Variants in CD6 observed in about 807,000 individuals in gnomAD.
CD6 encodes T-cell differentiation antigen CD6.
In CD6, 53 loss-of-function variants were observed where a neutral mutation model predicts 75.3. The observed-to-expected ratio is 0.70, with a 90% CI of 0.56 to 0.88. The LOEUF is 0.88. Among genes scored for constraint, CD6 ranks in the 40% least tolerant of loss-of-function variants. CD6 has a pLI of 0.00. For synonymous variants in CD6, 359 were observed against 381.5 expected, an observed-to-expected ratio of 0.94 and a Z score of 0.69; for missense variants, 770 against 897.1, an observed-to-expected ratio of 0.86 and a Z score of 1.81.
At chr11:60,980,779 A>T (rs1857531109) in intron 1 of CD6, among the ~76,000 whole-genome samples, 1 of 152,034 alleles carries the variant, frequency 6.6e-6, no homozygotes, top group Admixed American at 6.5e-5. Context: ...GGCGGAAGTT[A>T]CAGTGACCCA....
chr11:61,000,410 C>A (rs1858528078), intron 1 of CD6, among the ~76,000 whole-genome samples: 1 of 152,288 alleles, frequency 6.6e-6, no homozygotes, highest in Admixed American at 6.5e-5. Flanking sequence ...CCCTTTCCAC[C>A]CTGCCTCTGG....
chr11:60,988,267 C>T (rs1472746809), intron 1 of CD6, among the ~76,000 whole-genome samples: 5 of 152,326 alleles, frequency 3.3e-5, no homozygotes, highest in Non-Finnish European at 7.4e-5. Context: ...ACACAGTGGG[C>T]ATTCAGATGT....
chr11:61,015,561 ACCCTGT>A, intron 8 of CD6, 146 bp from the exon 9 acceptor site: 2 of 858,242 alleles, frequency 2.3e-6, no homozygotes, highest in Non-Finnish European at 3.7e-6. Flanking sequence ...ACAGAGTGAG[ACCCTGT>A]CCCAGAAAAG....
At chr11:60,974,007 A>G (rs1857280793) in intron 1 of CD6, among the ~76,000 whole-genome samples, 1 of 152,174 alleles carries the variant, frequency 6.6e-6, no homozygotes, top group Admixed American at 6.5e-5. Context: ...ATGCTAGCAG[A>G]ACCTGACCTC....
rs562164453 is a variant in CD6 at position 61,008,928 on chromosome 11, G to A, written c.781+83G>A. The A allele has an allele frequency of 9.1e-6, 11 of 1,211,096 alleles. No individual in the cohort carries two copies. The East Asian group carries it at 1.0e-4, about 11-fold the overall frequency. The allele number at this position is 1,211,096 out of a possible 1,614,324, so 75.0% of individuals were successfully genotyped here. A position where few individuals can be genotyped will look rare whatever the true frequency, so the allele number is the denominator to read the frequency against. ...GGGCGCCAAGCCTGGAGTTAGTGCC[G>A]GAGAGGTGGTCCCTGCCCTTGAGAT... is the stretch of plus-strand genomic sequence containing the variant. On this transcript the variant is annotated intron_variant, in intron 4 of 12. Coordinates refer to ENST00000313421, the MANE Select transcript of CD6 (RefSeq NM_006725.5).
intron 9 of CD6, among the ~76,000 whole-genome samples, chr11:61,016,133 C>A (rs1388182575): frequency 1.3e-5 from 2 of 152,224 alleles, no homozygotes; most frequent in African/African-American, 4.8e-5. Context: ...CTGAAGATGG[C>A]TCTCTGTGTG....
rs1350034344 is a variant in CD6 at position 60,971,932 on chromosome 11, A to T, written c.49+18A>T. 6.2e-7 allele frequency: 1 copy of T among 1,612,884 alleles called. No homozygotes were observed. Among genetic ancestry groups the T allele is most frequent in the Admixed American group, 1.7e-5 (1 of 60,000 alleles). On this transcript the variant is annotated intron_variant, in intron 1 of 12. Coordinates refer to ENST00000313421, the MANE Select transcript of CD6 (RefSeq NM_006725.5). ...CCTCTCAGGTAGGCCCCCTTCCCTC[A>T]TCTCCTGCCACTGGTGCTGGAGGAG... is the stretch of plus-strand genomic sequence containing the variant.
At chr11:61,008,502 C>T (rs1455600644) in intron 3 of CD6, 32 bp from the exon 4 acceptor site, 2 of 1,529,246 alleles carry the variant, frequency 1.3e-6, no homozygotes, top group Admixed American at 2.0e-5. Context: ...TGGTCGGGTG[C>T]CCCAGCATCC....
chr11:60,996,333 G>T (rs1428469542), intron 1 of CD6, among the ~76,000 whole-genome samples: 1 of 152,134 alleles, frequency 6.6e-6, no homozygotes, highest in African/African-American at 2.4e-5. Context: ...CTGCACTCTG[G>T]ACCCCAGATG....
intron 3 of CD6, 83 bp from the exon 4 acceptor site, chr11:61,008,451 A>G (rs1291241707): frequency 1.5e-6 from 2 of 1,330,370 alleles, no homozygotes; most frequent in African/African-American, 1.5e-5. Context: ...CACGCTCACA[A>G]CTCTCCGGCC....
At chr11:60,989,954 T>C (rs1328112247) in intron 1 of CD6, among the ~76,000 whole-genome samples, 1 of 152,234 alleles carries the variant, frequency 6.6e-6, no homozygotes. Flanking sequence ...GGTGCATTGA[T>C]ATGACTCGGA....
At chr11:60,998,748 C>T in intron 1 of CD6, among the ~76,000 whole-genome samples, 1 of 151,906 alleles carries the variant, frequency 6.6e-6, no homozygotes, top group South Asian at 2.1e-4. Flanking sequence ...TTCAAGCTAG[C>T]CCACATGTCC....
rs546825413 is a variant in CD6 at position 60,990,013 on chromosome 11, T to C, written c.50-16561T>C. 1.0e-3 allele frequency among the ~76,000 whole-genome samples: 155 copies of C among 152,280 alleles called. 1 individual carries two copies. Among genetic ancestry groups the C allele is most frequent in the Non-Finnish European group, 7.8e-4 (53 of 68,010 alleles). On this transcript the variant is annotated intron_variant, in intron 1 of 12. Coordinates refer to ENST00000313421, the MANE Select transcript of CD6 (RefSeq NM_006725.5). ...ATGCTTTTATTTTAAAATTTTTTTG[T>C]TTTTATTTTGTTTTATTTTATTTTA...
At chr11:61,018,213 C>G in intron 11 of CD6, 76 bp from the exon 12 acceptor site, 1 of 1,365,886 alleles carries the variant, frequency 7.3e-7, no homozygotes, top group Non-Finnish European at 1.0e-6. Flanking sequence ...TCGTGAGTCA[C>G]GTGGGCCCCC....
intron 1 of CD6, among the ~76,000 whole-genome samples, chr11:60,975,909 A>G (rs1319854913): frequency 6.6e-6 from 1 of 152,260 alleles, no homozygotes; most frequent in Non-Finnish European, 1.5e-5. Context: ...AAGCACATTT[A>G]TAAATATGAT....
Position 61,017,983 on chromosome 11 carries a change from G to A in CD6, c.1807G>A (p.Glu603Lys), listed in dbSNP as rs776414916. 3.7e-6 allele frequency: 6 copies of A among 1,612,146 alleles called. No homozygotes were observed. Among genetic ancestry groups the A allele is most frequent in the Admixed American group, 1.7e-5 (1 of 60,000 alleles). Reference sequence around the variant, plus strand: ...CTTCCTGGAGCAGCCCCCAAACTTGGAGCTGGCCGGCACCCAGCCAGCCTT... The same window carrying A: ...CTTCCTGGAGCAGCCCCCAAACTTGAAGCTGGCCGGCACCCAGCCAGCCTT... ...SSFLEQPPNL[E>K]LAGTQPAFSA... is the part of the protein sequence containing the mutation. The change falls in exon 11 of 13, where the codon GAG becomes AAG. Residue 603 changes from glutamate to lysine, a missense_variant. Physicochemically the swap from Glu to Lys is moderately conservative, Grantham distance 56. Transcript: ENST00000313421.
At chr11:60,989,559 C>A (rs1256295269) in intron 1 of CD6, among the ~76,000 whole-genome samples, 1 of 152,236 alleles carries the variant, frequency 6.6e-6, no homozygotes, top group Non-Finnish European at 1.5e-5. Flanking sequence ...CATCTGGCCT[C>A]CAGGCTGGAC....
At chr11:61,009,910 C>T (rs1218521057) in intron 5 of CD6, 36 bp downstream of exon 5, 1 of 1,515,688 alleles carries the variant, frequency 6.6e-7, no homozygotes, top group Non-Finnish European at 8.8e-7. Context: ...AGATTTGAGC[C>T]AGAATTCTAC....
chr11:61,012,306 A>T (rs1859187590), intron 6 of CD6, among the ~76,000 whole-genome samples: 1 of 152,104 alleles, frequency 6.6e-6, no homozygotes, highest in Non-Finnish European at 1.5e-5. Flanking sequence ...ACAAAGAGAG[A>T]TCCAGGGACC....
Sources: allele counts gnomAD v4.1 joint callset (sites outside exome capture counted in the v4.1 genomes callset), GRCh38; gene constraint gnomAD v4.1.1; transcripts MANE v1.5; gene names NCBI Gene and HGNC (gene_info 2026-07-23, HGNC 2026-07-21).